CR1L: variants seen among roughly 807,000 people sequenced by gnomAD.
CR1L encodes complement C3b/C4b receptor 1 like.
CR1L carries 59 observed loss-of-function variants against 62.3 expected under a neutral mutation model. The observed-to-expected ratio is 0.95, with a 90% CI of 0.77 to 1.18. The LOEUF is 1.18. Ranked by LOEUF, CR1L falls within the 50% of genes most tolerant of loss-of-function variation. CR1L has a pLI of 0.00. For synonymous variants in CR1L, 279 were observed against 248.7 expected (o/e 1.12, Z -1.15); for missense variants, 700 against 702.8 (o/e 1.00, Z 0.04).
chr1:207,667,462 G>A (rs973964213), intron 1 of CR1L, among the ~76,000 whole-genome samples: 3 of 152,062 alleles, frequency 2.0e-5, no homozygotes, highest in African/African-American at 7.2e-5. Flanking sequence ...CTCTTATAAG[G>A]ATCCCTGTGA....
At chr1:207,685,653 G>A (rs1349086740) in intron 4 of CR1L, among the ~76,000 whole-genome samples, 1 of 152,178 alleles carries the variant, frequency 6.6e-6, no homozygotes, top group African/African-American at 2.4e-5. Flanking sequence ...AGAGAACCCA[G>A]TTCAATGGCA....
intron 9 of CR1L, among the ~76,000 whole-genome samples, chr1:207,705,062 A>T (rs1664247592): frequency 6.6e-6 from 1 of 152,112 alleles, no homozygotes; most frequent in Non-Finnish European, 1.5e-5. Flanking sequence ...CAGCTTCTGG[A>T]GCCCCAGGCC....
In CR1L at chr1:207,699,198, A is replaced by G; in HGVS notation, c.1152A>G (p.Leu384=). The change falls in exon 8 of 12, where the codon TTA becomes TTG. Residue 384 remains leucine, a synonymous_variant. Transcript: ENST00000508064. ...CTATTTTCTTCTTTAGATTTCAATTAAAAGGCAGCTCTGCTAGTTACTGTG... is the reference window on the plus strand; with the variant it reads ...CTATTTTCTTCTTTAGATTTCAATTGAAAGGCAGCTCTGCTAGTTACTGTG... ...VDFVCDEGFQ[L]KGSSASYCVL... The G allele has an allele frequency of 5.6e-6, 9 of 1,613,704 alleles. No homozygotes were observed. Among genetic ancestry groups the G allele is most frequent in the Non-Finnish European group, 7.6e-6 (9 of 1,179,676 alleles).
intron 2 of CR1L, 72 bp from the exon 3 acceptor site, chr1:207,678,126 T>C: frequency 1.5e-6 from 2 of 1,352,358 alleles, no homozygotes; most frequent in Non-Finnish European, 2.1e-6. Context: ...TATAGGCAGG[T>C]TGAGACCTTA....
At chr1:207,659,101 G>A (rs1571644752) in intron 1 of CR1L, 1 of 152,630 alleles carries the variant, frequency 6.6e-6, no homozygotes, top group East Asian at 1.9e-4. Context: ...GTCTGACCTG[G>A]GCAAGCAAGA....
At chr1:207,652,063 G>A (rs1265770652) in intron 1 of CR1L, among the ~76,000 whole-genome samples, 1 of 152,134 alleles carries the variant, frequency 6.6e-6, no homozygotes, top group African/African-American at 2.4e-5. Flanking sequence ...TGGGTAGAGT[G>A]TAGTAGAAAA....
At chr1:207,720,585 C>T (rs1386341870) in intron 11 of CR1L, among the ~76,000 whole-genome samples, 2 of 152,150 alleles carry the variant, frequency 1.3e-5, no homozygotes, top group Admixed American at 6.5e-5. Context: ...TTCAATGGCC[C>T]AGTTACATCA....
rs776531663 is a variant in CR1L at position 207,717,559 on chromosome 1, T to C, written c.1510T>C (p.Cys504Arg). The C allele has an allele frequency of 1.9e-6, 3 of 1,613,886 alleles. No individual in the cohort carries two copies. The highest frequency in any genetic ancestry group is 2.2e-5 in the East Asian group (1 of 44,886). Residue 504 changes from cysteine (C) to arginine (R), a missense_variant, in exon 11 of 12, where the codon TGT (cysteine) becomes CGT (arginine). Cys to Arg is a radical substitution (Grantham distance 180). Transcript: ENST00000508064. The stretch of plus-strand genomic sequence containing the variant: ...CTATGGAAAAGAAGTATCTTACACA[T>C]GTGACCCCCACCCAGACAGAGGGAT... The part of the protein sequence containing the change: ...IPYGKEVSYT[C>R]DPHPDRGMTF...
At chr1:207,702,617 C>G (rs1405325656) in intron 9 of CR1L, among the ~76,000 whole-genome samples, 1 of 152,206 alleles carries the variant, frequency 6.6e-6, no homozygotes, top group Non-Finnish European at 1.5e-5. Flanking sequence ...CCAGTGAACA[C>G]ATGAATGATA....
intron 1 of CR1L, among the ~76,000 whole-genome samples, chr1:207,654,778 C>A (rs1391816735): frequency 6.6e-6 from 1 of 152,128 alleles, no homozygotes; most frequent in African/African-American, 2.4e-5. Context: ...AAGTGATTTA[C>A]CCAAGCTCAA....
chr1:207,699,355 GT>G lies in CR1L; in HGVS notation c.1228+83del, dbSNP rs1449214765. The G allele has an allele frequency of 2.3e-5, 35 of 1,515,030 alleles. No individual in the cohort carries two copies. The African/African-American group carries it at 4.7e-4, about 20-fold the overall frequency. The allele number at this position is 1,515,030 out of a possible 1,614,324, so 93.8% of individuals were successfully genotyped here. A position where few individuals can be genotyped will look rare whatever the true frequency, so the allele number is the denominator to read the frequency against. ...TTGACCCATGACCTCCCCTAATGTGGTTCTTCAATTTTCTAATCTGAATTAT... is the reference window on the plus strand; with the variant it reads ...TTGACCCATGACCTCCCCTAATGTGGTCTTCAATTTTCTAATCTGAATTAT... On this transcript the variant is annotated intron_variant, in intron 8 of 11. Transcript: ENST00000508064.
At chr1:207,666,385 C>T (rs1663524042) in intron 1 of CR1L, among the ~76,000 whole-genome samples, 2 of 152,194 alleles carry the variant, frequency 1.3e-5, no homozygotes, top group Admixed American at 6.5e-5. Context: ...AAGGTGTATA[C>T]ATGATACATA....
At chr1:207,685,503 A>T (rs1375806484) in intron 4 of CR1L, among the ~76,000 whole-genome samples, 6 of 152,238 alleles carry the variant, frequency 3.9e-5, no homozygotes, top group Non-Finnish European at 5.9e-5. Flanking sequence ...ATGATCAATT[A>T]GCCCAATAAC....
At chr1:207,703,991 C>A (rs1450351464) in intron 9 of CR1L, among the ~76,000 whole-genome samples, 1 of 151,984 alleles carries the variant, frequency 6.6e-6, no homozygotes, top group Non-Finnish European at 1.5e-5. Context: ...AAAAAAAATA[C>A]ATTTTGTAAG....
chr1:207,721,112 A>G (rs532365988), intron 11 of CR1L, among the ~76,000 whole-genome samples: 10 of 152,314 alleles, frequency 6.6e-5, no homozygotes, highest in African/African-American at 2.2e-4. Context: ...AAGGGTGTAA[A>G]TATCTTTCTA....
chr1:207,717,258 G>A (rs1654020941), intron 10 of CR1L, among the ~76,000 whole-genome samples: 1 of 152,018 alleles, frequency 6.6e-6, no homozygotes, highest in Non-Finnish European at 1.5e-5. Flanking sequence ...ACTGTCTTTG[G>A]GCTTTTGCAA....
intron 10 of CR1L, chr1:207,715,502 T>G (rs1653972384): frequency 3.2e-6 from 2 of 619,394 alleles, no homozygotes; most frequent in East Asian, 4.1e-5. Flanking sequence ...ACTAAATTAC[T>G]GATTAAAATA....
At chr1:207,672,723 G>A (rs12729557) in intron 1 of CR1L, among the ~76,000 whole-genome samples, 6,993 of 152,174 alleles carry the variant, frequency 0.046, 219 homozygotes, top group Non-Finnish European at 0.07. Flanking sequence ...AGACTCTGGC[G>A]CCCTCACATG....
In CR1L at chr1:207,702,683, A is replaced by G. The variant is rs563271495; in HGVS notation, c.1328+1065A>G. The stretch of plus-strand genomic sequence containing the variant: ...GAAGAAGTTTTAGTGGTCTAGATAC[A>G]AGATCAAACTAGACATATTTCCTTA... On this transcript the variant is annotated intron_variant, in intron 9 of 11. Transcript: ENST00000508064. 1.0e-3 allele frequency among the ~76,000 whole-genome samples: 153 copies of G among 152,358 alleles called. 1 individual carries two copies. The highest frequency in any genetic ancestry group is 1.4e-3 in the Non-Finnish European group (96 of 68,030).
Sources: allele counts gnomAD v4.1 joint callset (sites outside exome capture counted in the v4.1 genomes callset), GRCh38; gene constraint gnomAD v4.1.1; transcripts MANE v1.5; gene names NCBI Gene and HGNC (gene_info 2026-07-23, HGNC 2026-07-21).